The following CHL1 variants were observed in gnomAD, a reference collection of about 807,000 sequenced individuals.
The protein encoded by CHL1 is cell adhesion molecule L1 like.
A neutral mutation model predicts 141.9 loss-of-function variants in CHL1; 96 were observed. The ratio of observed to expected loss-of-function variants is 0.68; its 90% CI spans 0.57 to 0.80. CHL1 has a LOEUF of 0.80. Ranked by LOEUF, CHL1 falls within the 30% of genes least tolerant of loss-of-function variation. CHL1 has a pLI of 0.00. For synonymous variants in CHL1, 613 were observed against 502.2 expected (o/e 1.22, Z -2.95); for missense variants, 1,820 against 1,457.2 (o/e 1.25, Z -4.05).
rs1692175401 is a variant in CHL1, at chr3:238,127, C to T, written c.-174-6486C>T. Reference sequence around the variant, plus strand: ...ATAACCTAGGGAATATTATGTGCCTCATGTATCATTTTCCTTTTTAAAAGA... The same window carrying T: ...ATAACCTAGGGAATATTATGTGCCTTATGTATCATTTTCCTTTTTAAAAGA... On this transcript the variant is annotated intron_variant, in intron 1 of 27. Coordinates refer to ENST00000256509, the MANE Select transcript of CHL1 (RefSeq NM_006614.4). Among the ~76,000 whole-genome samples the T allele has an allele frequency of 2.0e-5, 3 of 152,110 alleles. No individual in the cohort carries two copies. The South Asian group carries it at 6.2e-4, about 32-fold the overall frequency.
At chr3:199,423 G>A (rs894298413) in intron 1 of CHL1, among the ~76,000 whole-genome samples, 1 of 152,076 alleles carries the variant, frequency 6.6e-6, no homozygotes, top group Non-Finnish European at 1.5e-5. Flanking sequence ...TCAAAGAAAC[G>A]GCTATAGATA....
chr3:237,634 A>G lies in CHL1; in HGVS notation c.-174-6979A>G, dbSNP rs79729190. ...GGTTCGTATCTTGGTGTTGACATTT[A>G]TTGTCATTGTAACTTTGTAAATCAT... On this transcript the variant is annotated intron_variant, in intron 1 of 27. Transcript: ENST00000256509. Among the ~76,000 whole-genome samples the G allele has an allele frequency of 6.6e-4, 100 of 152,340 alleles. 2 individuals are homozygous for G. In the East Asian group the frequency reaches 0.019, roughly 28 times the overall value.
At chr3:284,801 T>C (rs9990181) in intron 2 of CHL1, among the ~76,000 whole-genome samples, 68,490 of 151,638 alleles carry the variant, frequency 0.45, 15,755 homozygotes, top group South Asian at 0.61. Context: ...TCAGTAGATC[T>C]AAGGACATTA....
chr3:343,853 A>G (rs1279600970), intron 8 of CHL1, among the ~76,000 whole-genome samples: 3 of 152,212 alleles, frequency 2.0e-5, no homozygotes, highest in Non-Finnish European at 4.4e-5. Flanking sequence ...CTCAATGAAA[A>G]ATCATTGCAC....
chr3:388,149 A>G (rs1327411861), intron 19 of CHL1, among the ~76,000 whole-genome samples: 1 of 152,244 alleles, frequency 6.6e-6, no homozygotes, highest in East Asian at 1.9e-4. Context: ...CAATCCCATT[A>G]TCTTTGAAAG....
chr3:382,724 T>A, intron 18 of CHL1, 53 bp downstream of exon 18: 1 of 1,459,120 alleles, frequency 6.9e-7, no homozygotes, highest in Non-Finnish European at 9.6e-7. Flanking sequence ...TGTCCCCATC[T>A]TTGAACATCT....
At chr3:360,503 C>T (rs1704130431) in intron 12 of CHL1, 79 bp downstream of exon 12, 1 of 1,379,038 alleles carries the variant, frequency 7.3e-7, no homozygotes, top group South Asian at 1.4e-5. Context: ...AGTGTATTAA[C>T]TCTTGACACA....
In CHL1 at chr3:341,902, C is replaced by T. The variant is rs753602946; in HGVS notation, c.509-10C>T. On this transcript the variant is annotated splice_polypyrimidine_tract_variant and intron_variant, in intron 6 of 27. Coordinates refer to ENST00000256509, the MANE Select transcript of CHL1 (RefSeq NM_006614.4). ...ATTGCCCTTTTCAATGGCAAGATAT[C>T]TCTTTTCAGAATTAGAACACATCGA... 1.3e-6 allele frequency: 2 copies of T among 1,569,628 alleles called. No individual in the cohort carries two copies. Among genetic ancestry groups the T allele is most frequent in the African/African-American group, 1.4e-5 (1 of 73,926 alleles).
At chr3:289,226 A>G (rs1411601344) in intron 2 of CHL1, among the ~76,000 whole-genome samples, 1 of 152,208 alleles carries the variant, frequency 6.6e-6, no homozygotes, top group African/African-American at 2.4e-5. Flanking sequence ...TTAAAAATGC[A>G]TTTGCAAAGT....
At chr3:203,820 G>A (rs1699169568) in intron 1 of CHL1, among the ~76,000 whole-genome samples, 1 of 152,238 alleles carries the variant, frequency 6.6e-6, no homozygotes, top group Non-Finnish European at 1.5e-5. Context: ...AGTGGTTTGT[G>A]GAGGTCAGTT....
At chr3:374,986 AGGGATGCAGTAAGTGCT>A (rs1423019535) in intron 15 of CHL1, among the ~76,000 whole-genome samples, 1 of 152,160 alleles carries the variant, frequency 6.6e-6, no homozygotes, top group Non-Finnish European at 1.5e-5. Context: ...TTTCTTGTGT[AGGGATGCAGTAAGTGCT>A]GGGAACTGCC....
chr3:320,637 T>C (rs1700487383), intron 3 of CHL1, among the ~76,000 whole-genome samples: 1 of 151,962 alleles, frequency 6.6e-6, no homozygotes, highest in Non-Finnish European at 1.5e-5. Flanking sequence ...TAGTGTGCAA[T>C]GATCACACCT....
At chr3:379,323 A>C (rs978964795) in intron 16 of CHL1, among the ~76,000 whole-genome samples, 1 of 152,188 alleles carries the variant, frequency 6.6e-6, no homozygotes, top group Non-Finnish European at 1.5e-5. Flanking sequence ...GAAGGTATGG[A>C]CTTGTAGAGT....
intron 2 of CHL1, among the ~76,000 whole-genome samples, chr3:317,011 A>C (rs763088199): frequency 6.6e-6 from 1 of 152,076 alleles, no homozygotes; most frequent in Non-Finnish European, 1.5e-5. Context: ...TCCGTTTTCA[A>C]TCTGAAAGCT....
chr3:361,640 A>G, intron 12 of CHL1, 59 bp from the exon 13 acceptor site: 1 of 1,163,500 alleles, frequency 8.6e-7, no homozygotes, highest in Non-Finnish European at 1.3e-6. Context: ...AGAAAAATTT[A>G]ATTTGCATAT....
At chr3:245,417 G>A (rs963869689) in intron 2 of CHL1, among the ~76,000 whole-genome samples, 11 of 152,188 alleles carry the variant, frequency 7.2e-5, no homozygotes, top group Non-Finnish European at 1.0e-4. Context: ...AGATTATTAC[G>A]ATAATGAATA....
intron 5 of CHL1, among the ~76,000 whole-genome samples, chr3:330,970 T>C (rs1327718247): frequency 1.3e-5 from 2 of 152,022 alleles, no homozygotes; most frequent in Non-Finnish European, 2.9e-5. Context: ...TCTCTCTCTC[T>C]CCCCCACTCT....
At chr3:259,484 G>A (rs188921024) in intron 2 of CHL1, among the ~76,000 whole-genome samples, 40 of 152,188 alleles carry the variant, frequency 2.6e-4, no homozygotes, top group African/African-American at 9.4e-4. Flanking sequence ...TTTTTCCTTA[G>A]CCTGTTTTTA....
intron 2 of CHL1, among the ~76,000 whole-genome samples, chr3:289,859 C>G (rs539025949): frequency 2.0e-5 from 3 of 150,308 alleles, no homozygotes; most frequent in Non-Finnish European, 1.5e-5. Flanking sequence ...CATGTGCTTT[C>G]GAGCATCAAA....
Sources: gnomAD v4.1 joint callset for allele counts (sites outside exome capture counted in the v4.1 genomes callset) on GRCh38, gnomAD v4.1.1 for gene constraint, MANE v1.5 for transcripts, NCBI Gene and HGNC (gene_info 2026-07-23, HGNC 2026-07-21) for gene names.